KIR3DL3: variants seen among roughly 807,000 people sequenced by gnomAD.
The protein encoded by KIR3DL3 is killer cell immunoglobulin like receptor, three Ig domains and long cytoplasmic tail 3.
Under a neutral mutation model 34.9 loss-of-function variants are expected in KIR3DL3, and 27 were observed. That is an observed-to-expected ratio of 0.77 (90% CI 0.57 to 1.07). The LOEUF (loss-of-function observed/expected upper bound fraction) is 1.07, where lower values mean the gene tolerates loss of function less well. KIR3DL3 is among the 50% of genes least tolerant of loss of function. The pLI, the probability that KIR3DL3 is intolerant of heterozygous loss-of-function variation, is 0.00. For missense variants in KIR3DL3, 681 were observed against 528.5 expected (o/e 1.29, Z -2.83); for synonymous variants, 217 against 200.2 (o/e 1.08, Z -0.71).
At chr19:54,725,544 G>A (rs2068072121) in intron 2 of KIR3DL3, among the ~76,000 whole-genome samples, 1 of 152,176 alleles carries the variant, frequency 6.6e-6, no homozygotes, top group Non-Finnish European at 1.5e-5. Flanking sequence ...TGTGCAGGGA[G>A]GAAGTGGTGT....
Position 54,735,363 on chromosome 19 carries a change from T to A in KIR3DL3, c.1054+6T>A. 7.7e-7 allele frequency: 1 copy of A among 1,297,650 alleles called. No homozygotes were observed. Among genetic ancestry groups the A allele is most frequent in the Non-Finnish European group, 1.1e-6 (1 of 896,652 alleles). 80.4% of individuals were successfully genotyped at this position (1,297,650 alleles called of 1,614,324 possible). Reference sequence around the variant, plus strand: ...CTGGTGTGCCAACAAAAAGAGTAAGTCTCACGAAGCAGAAGCCAGAGAGCT... The same window carrying A: ...CTGGTGTGCCAACAAAAAGAGTAAGACTCACGAAGCAGAAGCCAGAGAGCT... On this transcript the variant is annotated splice_donor_region_variant and intron_variant, in intron 6 of 7. Coordinates refer to ENST00000291860, the MANE Select transcript of KIR3DL3 (RefSeq NM_153443.5).
chr19:54,727,941 T>C (rs1405528331), intron 4 of KIR3DL3, 31 bp downstream of exon 4: 11 of 1,571,926 alleles, frequency 7.0e-6, no homozygotes, highest in Non-Finnish European at 8.7e-6. Flanking sequence ...CTCTCACCCT[T>C]GCTGGGAGAT....
chr19:54,725,604 A>T (rs2068076274), intron 2 of KIR3DL3, among the ~76,000 whole-genome samples: 1 of 152,156 alleles, frequency 6.6e-6, no homozygotes, highest in African/African-American at 2.4e-5. Context: ...CAGGCCTCTG[A>T]GGACAAGAGC....
In KIR3DL3 at chr19:54,729,693, A is replaced by T; in HGVS notation, c.856A>T (p.Thr286Ser). The change falls in exon 5 of 8, where the codon ACC (threonine) becomes TCC (serine). Residue 286 changes from threonine (T) to serine (S), a missense_variant. Transcript: ENST00000291860. ...GGCCAACTTCCCTCTGGGCCCTGTG[A>T]CCCACGGAGGGAACTACAGATGCTT... is the stretch of plus-strand genomic sequence containing the variant. The part of the protein sequence containing the change: ...FQANFPLGPV[T>S]HGGNYRCFGS... 1 of 1,597,582 alleles carries T rather than the reference A, an allele frequency of 6.3e-7. No individual in the cohort carries two copies. The highest frequency in any genetic ancestry group is 1.1e-5 in the South Asian group (1 of 90,014).
At chr19:54,728,007 G>A in intron 4 of KIR3DL3, 97 bp downstream of exon 4, 1 of 1,234,246 alleles carries the variant, frequency 8.1e-7, no homozygotes. Context: ...GATGAGTGTG[G>A]GGTTCCTATG....
In KIR3DL3 at chr19:54,736,008, C is replaced by T. The variant is rs758552516; in HGVS notation, c.1145C>T (p.Ala382Val). 1.4e-5 allele frequency: 23 copies of T among 1,613,528 alleles called. No homozygotes were observed. Among genetic ancestry groups the T allele is most frequent in the Middle Eastern group, 1.6e-4 (1 of 6,084 alleles). Residue 382 changes from alanine (A) to valine (V), a missense_variant, in exon 8 of 8, where the codon GCA becomes GTA. Ala to Val is a moderately conservative substitution (Grantham distance 64). Coordinates refer to ENST00000291860, the MANE Select transcript of KIR3DL3 (RefSeq NM_153443.5). The stretch of plus-strand genomic sequence containing the variant: ...CAAGACCCTCAGGAGGTGACATACG[C>T]ACAGTTGAATCACTGCGTTTTCACA... ...DEQDPQEVTY[A>V]QLNHCVFTQR...
rs574195799 is a variant in KIR3DL3 at position 54,735,958 on chromosome 19, T to C, written c.1108-13T>C. 2 of 1,611,530 alleles carry C rather than the reference T, an allele frequency of 1.2e-6. No individual in the cohort carries two copies. Among genetic ancestry groups the C allele is most frequent in the African/African-American group, 1.4e-5 (1 of 73,950 alleles). On this transcript the variant is annotated splice_polypyrimidine_tract_variant and intron_variant, in intron 7 of 7. Transcript: ENST00000291860. ...TGAGCACCCTCCCTCACTCAGCATT[T>C]CCCTCCCTCCAGGACTCTGATGAAC... is the stretch of plus-strand genomic sequence containing the variant.
chr19:54,729,570 A>G lies in KIR3DL3; in HGVS notation c.733A>G (p.Ser245Gly). ...AGGAGAGAATGTGACCTTGTCCTGCAGCTCCCGGAGCTTGTTTGACATTTA... is the reference window on the plus strand; with the variant it reads ...AGGAGAGAATGTGACCTTGTCCTGCGGCTCCCGGAGCTTGTTTGACATTTA... ...QAGENVTLSC[S>G]SRSLFDIYHL... Residue 245 changes from serine to glycine, a missense_variant, in exon 5 of 8, where the codon AGC becomes GGC. By Grantham distance (56) the Ser-to-Gly change is moderately conservative (BLOSUM62 0). Coordinates refer to ENST00000291860, the MANE Select transcript of KIR3DL3 (RefSeq NM_153443.5). 2 of 1,607,142 alleles carry G rather than the reference A, an allele frequency of 1.2e-6. No homozygotes were observed. Among genetic ancestry groups the G allele is most frequent in the South Asian group, 1.1e-5 (1 of 90,568 alleles).
In KIR3DL3 at chr19:54,735,309, G is replaced by C. The variant is rs766236460; in HGVS notation, c.1006G>C (p.Ala336Pro). Residue 336 changes from alanine (A) to proline (P), a missense_variant, in exon 6 of 8, where the codon GCT becomes CCT. Ala to Pro is a conservative substitution (Grantham distance 27, BLOSUM62 -1). Transcript: ENST00000291860. ...IGTSVVIIPF[A>P]ILLFFLLHRW... ...GACCTCAGTGGTCATCATCCCCTTT[G>C]CTATCCTCCTCTTCTTTCTCCTTCA... 2.0e-6 allele frequency: 3 copies of C among 1,483,310 alleles called. No homozygotes were observed. Among genetic ancestry groups the C allele is most frequent in the East Asian group, 2.2e-5 (1 of 44,498 alleles). 91.9% of individuals were successfully genotyped at this position (1,483,310 alleles called of 1,614,324 possible).
chr19:54,728,881 G>T (rs62132672), intron 4 of KIR3DL3, among the ~76,000 whole-genome samples: 19,559 of 149,408 alleles, frequency 0.13, 1,348 homozygotes, highest in African/African-American at 0.16. Context: ...ATAAAAGGTA[G>T]ATGATAGATA....
chr19:54,734,775 C>G (rs2069262820), intron 5 of KIR3DL3, among the ~76,000 whole-genome samples: 1 of 145,556 alleles, frequency 6.9e-6, no homozygotes, highest in Non-Finnish European at 1.5e-5. Context: ...TGCTCCCACT[C>G]TGGCAGAAGG....
intron 2 of KIR3DL3, 73 bp downstream of exon 2, chr19:54,725,355 GAC>G: frequency 8.8e-7 from 1 of 1,130,574 alleles, no homozygotes; most frequent in Non-Finnish European, 1.2e-6. Context: ...GGAGGCAGGC[GAC>G]ACAGGGGGTT....
At chr19:54,731,676 C>T (rs1462715957) in intron 5 of KIR3DL3, among the ~76,000 whole-genome samples, 2 of 152,124 alleles carry the variant, frequency 1.3e-5, no homozygotes, top group Non-Finnish European at 2.9e-5. Context: ...TTTTAAGGTT[C>T]CAAGCAAGAA....
chr19:54,735,859 C>T lies in KIR3DL3; in HGVS notation c.1094C>T (p.Thr365Ile), dbSNP rs750949209. The stretch of plus-strand genomic sequence containing the variant: ...GACCAAGAGCCTGCAGGGAACAGAA[C>T]AGTGAACAGGGAGGTAGGTGCTCCT... Reference protein sequence around the residue: ...VMDQEPAGNRTVNREDSDEQD... With the variant: ...VMDQEPAGNRIVNREDSDEQD... The change falls in exon 7 of 8, where the codon ACA becomes ATA. Residue 365 changes from threonine to isoleucine, a missense_variant. Coordinates refer to ENST00000291860, the MANE Select transcript of KIR3DL3 (RefSeq NM_153443.5). 24 of 1,607,328 alleles carry T rather than the reference C, an allele frequency of 1.5e-5. No homozygotes were observed. The highest frequency in any genetic ancestry group is 8.5e-5 in the Admixed American group (5 of 58,768).
Position 54,729,571 on chromosome 19 carries a change from G to T in KIR3DL3, c.734G>T (p.Ser245Ile). 1 of 1,607,192 alleles carries T rather than the reference G, an allele frequency of 6.2e-7. No individual in the cohort carries two copies. The change falls in exon 5 of 8, where the codon AGC (serine) becomes ATC (isoleucine). Residue 245 changes from serine to isoleucine, a missense_variant. Ser to Ile is a moderately radical substitution (Grantham distance 142). Transcript: ENST00000291860. ...GGAGAGAATGTGACCTTGTCCTGCA[G>T]CTCCCGGAGCTTGTTTGACATTTAC... ...QAGENVTLSC[S>I]SRSLFDIYHL...
Position 54,729,739 on chromosome 19 carries a change from C to T in KIR3DL3, c.902C>T (p.Pro301Leu). 1 of 1,588,946 alleles carries T rather than the reference C, an allele frequency of 6.3e-7. No homozygotes were observed. The highest frequency in any genetic ancestry group is 8.5e-7 in the Non-Finnish European group (1 of 1,171,194). ...YRCFGSFRAL[P>L]HAWSDPSDPL... ...TGCTTCGGCTCTTTCCGTGCCCTGC[C>T]CCATGCGTGGTCAGACCCGAGTGAC... The change falls in exon 5 of 8, where the codon CCC becomes CTC. Residue 301 changes from proline to leucine, a missense_variant. By Grantham distance (98) the Pro-to-Leu change is moderately conservative. Transcript: ENST00000291860.
chr19:54,727,714 C>T lies in KIR3DL3; in HGVS notation c.459C>T (p.Phe153=), dbSNP rs776116847. ...QCWSDVRFER[F]LLHREGITED... is the part of the protein sequence containing the mutation. ...GGTCAGATGTCAGGTTTGAGCGCTT[C>T]CTTCTGCACAGAGAGGGGATCACTG... Residue 153 remains phenylalanine (F), a synonymous_variant, in exon 4 of 8, where the codon TTC becomes TTT. Coordinates refer to ENST00000291860, the MANE Select transcript of KIR3DL3 (RefSeq NM_153443.5). The T allele has an allele frequency of 6.2e-7, 1 of 1,613,042 alleles. No individual in the cohort carries two copies. Among genetic ancestry groups the T allele is most frequent in the Non-Finnish European group, 8.5e-7 (1 of 1,179,788 alleles).
chr19:54,731,348 A>G (rs1432922386), intron 5 of KIR3DL3, among the ~76,000 whole-genome samples: 6 of 151,288 alleles, frequency 4.0e-5, no homozygotes, highest in African/African-American at 1.5e-4. Context: ...TCTCCTCTGT[A>G]ATGGCTGTAC....
intron 3 of KIR3DL3, among the ~76,000 whole-genome samples, chr19:54,726,539 A>G (rs2068205756): frequency 6.8e-6 from 1 of 146,300 alleles, no homozygotes. Flanking sequence ...GAACCCTGTG[A>G]CTATTTATGT....
Sources: allele counts gnomAD v4.1 joint callset (sites outside exome capture counted in the v4.1 genomes callset), GRCh38; gene constraint gnomAD v4.1.1; transcripts MANE v1.5; gene names NCBI Gene and HGNC (gene_info 2026-07-23, HGNC 2026-07-21).